Variants in ARHGAP26 observed in about 807,000 individuals in gnomAD.
ARHGAP26 encodes the protein rho GTPase-activating protein 26.
Under a neutral mutation model 104.8 loss-of-function variants are expected in ARHGAP26, and 38 were observed. The observed-to-expected ratio is 0.36, with a 90% CI of 0.28 to 0.48. ARHGAP26 has a LOEUF of 0.48. ARHGAP26 is among the 20% of genes least tolerant of loss of function. The pLI, the probability that ARHGAP26 is intolerant of heterozygous loss-of-function variation, is 0.99. For missense variants in ARHGAP26, 704 were observed against 947.9 expected, an observed-to-expected ratio of 0.74 and a Z score of 3.38; for synonymous variants, 341 against 340.0, an observed-to-expected ratio of 1.00 and a Z score of -0.03.
intron 1 of ARHGAP26, 167 bp downstream of exon 1, chr5:142,771,082 G>C: frequency 7.3e-7 from 1 of 1,370,182 alleles, no homozygotes; most frequent in Non-Finnish European, 9.5e-7. Flanking sequence ...GGGCGAACCA[G>C]CAACCATCAG....
intron 1 of ARHGAP26, among the ~76,000 whole-genome samples, chr5:142,824,509 G>A (rs1469493625): frequency 6.6e-6 from 1 of 152,114 alleles, no homozygotes; most frequent in Non-Finnish European, 1.5e-5. Context: ...TGGGTGTCCC[G>A]GCAAGAGAGC....
At chr5:142,797,265 T>C (rs1291099819) in intron 1 of ARHGAP26, among the ~76,000 whole-genome samples, 3 of 152,198 alleles carry the variant, frequency 2.0e-5, no homozygotes, top group African/African-American at 7.2e-5. Flanking sequence ...GGACACTTAA[T>C]GATTAAAGGA....
intron 1 of ARHGAP26, among the ~76,000 whole-genome samples, chr5:142,822,165 G>T (rs1766325768): frequency 6.6e-6 from 1 of 152,168 alleles, no homozygotes. Flanking sequence ...CTTTTGCCTA[G>T]AATTGACTCA....
intron 1 of ARHGAP26, among the ~76,000 whole-genome samples, chr5:142,803,208 C>T (rs182454087): frequency 1.5e-3 from 221 of 152,214 alleles, no homozygotes; most frequent in African/African-American, 5.0e-3. Context: ...AAATATGGGA[C>T]ACCCAGTAAA....
intron 10 of ARHGAP26, among the ~76,000 whole-genome samples, chr5:142,924,728 G>C (rs1763665507): frequency 6.6e-6 from 1 of 152,194 alleles, no homozygotes; most frequent in Non-Finnish European, 1.5e-5. Flanking sequence ...TTACATCAGA[G>C]CACGCATAGT....
At chr5:143,216,248 A>G in intron 22 of ARHGAP26, 1 of 471,182 alleles carries the variant, frequency 2.1e-6, no homozygotes. Flanking sequence ...GGGCACCTCC[A>G]CCTCTCACCT....
chr5:142,926,833 T>G (rs146719153), intron 10 of ARHGAP26, among the ~76,000 whole-genome samples: 163 of 152,256 alleles, frequency 1.1e-3, no homozygotes, highest in African/African-American at 3.6e-3. Flanking sequence ...ATACTTACCA[T>G]CCTGTTCCTG....
At chr5:142,831,707 G>C (rs1183146301) in intron 1 of ARHGAP26, among the ~76,000 whole-genome samples, 1 of 151,704 alleles carries the variant, frequency 6.6e-6, no homozygotes, top group Non-Finnish European at 1.5e-5. Flanking sequence ...CCCATCCCTG[G>C]GTCTTTGGAT....
chr5:143,191,698 C>T (rs144834118), intron 20 of ARHGAP26, among the ~76,000 whole-genome samples: 88 of 152,240 alleles, frequency 5.8e-4, no homozygotes, highest in African/African-American at 1.9e-3. Flanking sequence ...TGAGTTTGGG[C>T]GCCACCACCC....
intron 4 of ARHGAP26, among the ~76,000 whole-genome samples, chr5:142,883,205 T>C (rs888897841): frequency 1.3e-5 from 2 of 152,224 alleles, no homozygotes; most frequent in Non-Finnish European, 2.9e-5. Flanking sequence ...CAGTGACTCA[T>C]GTTCCCTGGC....
At chr5:143,213,834 G>A (rs1238295385) in intron 21 of ARHGAP26, among the ~76,000 whole-genome samples, 163 bp from the exon 22 acceptor site, 1 of 152,182 alleles carries the variant, frequency 6.6e-6, no homozygotes, top group Non-Finnish European at 1.5e-5. Context: ...TGTGATCTTT[G>A]CAGCTTTCCC....
At chr5:143,081,160 T>A (rs1169024126) in intron 17 of ARHGAP26, among the ~76,000 whole-genome samples, 1 of 152,044 alleles carries the variant, frequency 6.6e-6, no homozygotes, top group African/African-American at 2.4e-5. Context: ...GCATACAGAT[T>A]ATTCTTTCTT....
chr5:142,966,041 G>A (rs1771264127), intron 11 of ARHGAP26, among the ~76,000 whole-genome samples: 1 of 152,178 alleles, frequency 6.6e-6, no homozygotes, highest in Non-Finnish European at 1.5e-5. Context: ...TCTGTTTTCA[G>A]TGGTTTGCTT....
At chr5:143,157,853 G>A (rs542236327) in intron 20 of ARHGAP26, among the ~76,000 whole-genome samples, 1 of 152,180 alleles carries the variant, frequency 6.6e-6, no homozygotes, top group African/African-American at 2.4e-5. Flanking sequence ...GGCAAAGCCT[G>A]TGTGGCCTGA....
At chr5:142,930,422 C>T (rs757877158) in intron 10 of ARHGAP26, among the ~76,000 whole-genome samples, 18 of 152,074 alleles carry the variant, frequency 1.2e-4, no homozygotes, top group Non-Finnish European at 2.1e-4. Flanking sequence ...AGGGAGAGTC[C>T]TGGAAGGTGC....
intron 17 of ARHGAP26, among the ~76,000 whole-genome samples, chr5:143,082,742 A>G (rs1022122944): frequency 1.3e-5 from 2 of 152,240 alleles, no homozygotes; most frequent in African/African-American, 4.8e-5. Context: ...TATATAGCTC[A>G]CTTTAGACAT....
At chr5:143,112,499 C>T (rs1278936961) in intron 17 of ARHGAP26, among the ~76,000 whole-genome samples, 1 of 151,848 alleles carries the variant, frequency 6.6e-6, no homozygotes, top group African/African-American at 2.4e-5. Context: ...ACTTTACTAC[C>T]TTGACTATTT....
At chr5:142,778,170 A>G (rs147365011) in intron 1 of ARHGAP26, among the ~76,000 whole-genome samples, 1 of 152,216 alleles carries the variant, frequency 6.6e-6, no homozygotes, top group Non-Finnish European at 1.5e-5. Flanking sequence ...AATGATTCAG[A>G]TATTTTTGGC....
At chr5:143,011,200 C>T (rs1268068742) in intron 11 of ARHGAP26, among the ~76,000 whole-genome samples, 3 of 152,240 alleles carry the variant, frequency 2.0e-5, no homozygotes, top group Admixed American at 1.3e-4. Context: ...TGGCACTAGC[C>T]CCCACGTCTT....
Sources: gnomAD v4.1 joint callset for allele counts (sites outside exome capture counted in the v4.1 genomes callset) on GRCh38, gnomAD v4.1.1 for gene constraint, MANE v1.5 for transcripts, NCBI Gene and HGNC (gene_info 2026-07-23, HGNC 2026-07-21) for gene names.